The following MYRIP variants were observed in gnomAD, a reference collection of about 807,000 sequenced individuals.
MYRIP encodes rab effector MyRIP.
In MYRIP, 49 loss-of-function variants were observed where a neutral mutation model predicts 98.0. The observed-to-expected ratio is 0.50, with a 90% confidence interval of 0.40 to 0.63. The LOEUF (loss-of-function observed/expected upper bound fraction) is 0.63. Ranked by LOEUF, MYRIP falls within the 30% of genes least tolerant of loss-of-function variation. The pLI, the probability that MYRIP is intolerant of heterozygous loss-of-function variation, is 0.00. For missense variants in MYRIP, 1,004 were observed against 1,058.2 expected (o/e 0.95, Z 0.71); for synonymous variants, 404 against 409.5 (o/e 0.99, Z 0.16).
At position 39,863,717 on chromosome 3, in the gene MYRIP, T is replaced by C. The variant is rs146221139; in HGVS notation, c.-30-37070T>C. 4.9e-3 allele frequency among the ~76,000 whole-genome samples: 749 copies of C among 152,236 alleles called. 4 individuals are homozygous for C. The highest frequency in any genetic ancestry group is 8.5e-3 in the Non-Finnish European group (578 of 67,994). ...GCTCAGGACCAGATGGATTCACAGA[T>C]GAATTCGACCTGATGTAAAACGAAC... On this transcript the variant is annotated intron_variant, in intron 1 of 16. Transcript: ENST00000302541.
chr3:40,209,424 G>T (rs1430283812), intron 10 of MYRIP: 7 of 161,764 alleles, frequency 4.3e-5, no homozygotes, highest in Non-Finnish European at 9.5e-5. Context: ...GCATGTATCA[G>T]ATATCACATG....
At chr3:40,193,484 C>G (rs1037252470) in intron 10 of MYRIP, among the ~76,000 whole-genome samples, 2 of 152,136 alleles carry the variant, frequency 1.3e-5, no homozygotes, top group East Asian at 3.9e-4. Flanking sequence ...AGCAGTACTG[C>G]GGATAATAGG....
At chr3:40,003,828 G>A (rs1257544511) in intron 2 of MYRIP, among the ~76,000 whole-genome samples, 1 of 152,086 alleles carries the variant, frequency 6.6e-6, no homozygotes, top group African/African-American at 2.4e-5. Flanking sequence ...AAATCGTACT[G>A]TTTTCCCAAC....
Position 40,170,072 on chromosome 3 carries a change from C to T in MYRIP, c.852C>T (p.Tyr284=), listed in dbSNP as rs1244775950. ...DEGTSASPGG[Y]RAPAALWRSQ... ...GGACCTCAGCATCCCCTGGAGGCTACCGTGCTCCCGCTGCCCTCTGGGTGA... is the reference window on the plus strand; with the variant it reads ...GGACCTCAGCATCCCCTGGAGGCTATCGTGCTCCCGCTGCCCTCTGGGTGA... The change falls in exon 8 of 17, where the codon TAC becomes TAT. Residue 284 remains tyrosine, a synonymous_variant. Transcript: ENST00000302541. 6.2e-7 allele frequency: 1 copy of T among 1,614,200 alleles called. No individual in the cohort carries two copies. Among genetic ancestry groups the T allele is most frequent in the South Asian group, 1.1e-5 (1 of 91,082 alleles).
intron 3 of MYRIP, among the ~76,000 whole-genome samples, chr3:40,135,548 C>T (rs1949745508): frequency 1.3e-5 from 2 of 152,154 alleles, no homozygotes; most frequent in South Asian, 4.1e-4. Context: ...TAAAGATACT[C>T]CTCGAGAAGA....
At chr3:40,164,361 G>C (rs1950461533) in intron 5 of MYRIP, among the ~76,000 whole-genome samples, 1 of 152,174 alleles carries the variant, frequency 6.6e-6, no homozygotes, top group Non-Finnish European at 1.5e-5. Context: ...TCAGGGGACT[G>C]GCAAGCCCCA....
intron 1 of MYRIP, among the ~76,000 whole-genome samples, chr3:39,859,549 G>A (rs1559499222): frequency 6.6e-6 from 1 of 152,302 alleles, no homozygotes; most frequent in East Asian, 1.9e-4. Flanking sequence ...ATGGATACTA[G>A]AGCAAGATGG....
intron 2 of MYRIP, among the ~76,000 whole-genome samples, chr3:39,905,695 C>G (rs1943863379): frequency 6.6e-6 from 1 of 152,140 alleles, no homozygotes; most frequent in African/African-American, 2.4e-5. Flanking sequence ...ATTTGAGTCT[C>G]CTGTTTTGTT....
chr3:39,889,525 G>A lies in MYRIP; in HGVS notation c.-30-11262G>A, dbSNP rs142744153. Among the ~76,000 whole-genome samples, 463 of 152,226 alleles carry A rather than the reference G, an allele frequency of 3.0e-3. 7 individuals carry two copies. The East Asian group carries it at 0.047, about 15-fold the overall frequency. Reference sequence around the variant, plus strand: ...AGGGGAACATCACACTCTGGGGACCGTTGTGGGGTGGGGGTAGGGAGGAGG... The same window carrying A: ...AGGGGAACATCACACTCTGGGGACCATTGTGGGGTGGGGGTAGGGAGGAGG... On this transcript the variant is annotated intron_variant, in intron 1 of 16. Transcript: ENST00000302541.
At chr3:40,072,558 AT>A (rs1442807714) in intron 3 of MYRIP, among the ~76,000 whole-genome samples, 1 of 152,104 alleles carries the variant, frequency 6.6e-6, no homozygotes, top group Non-Finnish European at 1.5e-5. Flanking sequence ...ACATCTATAT[AT>A]TTTTATGTGT....
chr3:39,842,408 G>A (rs774470750), intron 1 of MYRIP, among the ~76,000 whole-genome samples: 3 of 152,144 alleles, frequency 2.0e-5, no homozygotes, highest in Non-Finnish European at 4.4e-5. Context: ...TGTGGGGTTG[G>A]GATCTGCTGA....
chr3:40,251,758 A>AGT (rs1953383260), intron 15 of MYRIP, 123 bp from the exon 16 acceptor site: 2 of 664,056 alleles, frequency 3.0e-6, no homozygotes, highest in Non-Finnish European at 2.7e-6. Flanking sequence ...AATCAAACAC[A>AGT]GTACAGGAAT....
intron 2 of MYRIP, among the ~76,000 whole-genome samples, chr3:40,025,152 C>A (rs4428120): frequency 4.6e-5 from 7 of 151,904 alleles, no homozygotes; most frequent in African/African-American, 1.7e-4. Flanking sequence ...GTTCCTGTAG[C>A]CTTATCAGAC....
intron 5 of MYRIP, among the ~76,000 whole-genome samples, 192 bp from the exon 6 acceptor site, chr3:40,166,654 C>T (rs1950505956): frequency 6.6e-6 from 1 of 152,088 alleles, no homozygotes; most frequent in African/African-American, 2.4e-5. Context: ...TTTGTTGCAA[C>T]TGGGGCATGG....
chr3:39,968,351 T>C (rs1194380763), intron 2 of MYRIP, among the ~76,000 whole-genome samples: 1 of 151,922 alleles, frequency 6.6e-6, no homozygotes, highest in Non-Finnish European at 1.5e-5. Flanking sequence ...TTTTAAGAGA[T>C]GGGGTTTCGC....
intron 2 of MYRIP, among the ~76,000 whole-genome samples, chr3:39,983,830 T>C (rs1945953517): frequency 6.6e-6 from 1 of 152,232 alleles, no homozygotes; most frequent in Non-Finnish European, 1.5e-5. Context: ...TTCCTCAATA[T>C]AAACACCACA....
At chr3:40,007,304 C>T (rs901290225) in intron 2 of MYRIP, among the ~76,000 whole-genome samples, 3 of 151,612 alleles carry the variant, frequency 2.0e-5, no homozygotes, top group Admixed American at 6.6e-5. Context: ...AGCTACAGAG[C>T]AGGCTGTCCT....
In MYRIP at chr3:39,845,014, C is replaced by T. The variant is rs145640219; in HGVS notation, c.-31+35098C>T. On this transcript the variant is annotated intron_variant, in intron 1 of 16. Coordinates refer to ENST00000302541, the MANE Select transcript of MYRIP (RefSeq NM_015460.4). ...TTAGTAAATGAATGAGAGCAGGATA[C>T]TCATATGTGCTGTATGTCATCTCCA... Among the ~76,000 whole-genome samples the T allele has an allele frequency of 2.6e-3, 394 of 152,308 alleles. 3 individuals are homozygous for T. Among genetic ancestry groups the T allele is most frequent in the African/African-American group, 8.9e-3 (372 of 41,566 alleles).
intron 1 of MYRIP, among the ~76,000 whole-genome samples, chr3:39,869,403 G>T (rs1942716901): frequency 6.6e-6 from 1 of 150,920 alleles, no homozygotes; most frequent in South Asian, 2.1e-4. Flanking sequence ...ATTTTAATTT[G>T]TTTTTTTTCA....
Sources: gnomAD v4.1 joint callset for allele counts (sites outside exome capture counted in the v4.1 genomes callset) on GRCh38, gnomAD v4.1.1 for gene constraint, MANE v1.5 for transcripts, NCBI Gene and HGNC (gene_info 2026-07-23, HGNC 2026-07-21) for gene names.